KIF27: variants seen among roughly 807,000 people sequenced by gnomAD.
KIF27 encodes kinesin-like protein KIF27.
A neutral mutation model predicts 141.8 loss-of-function variants in KIF27; 84 were observed. The observed-to-expected ratio is 0.59, with a 90% CI of 0.50 to 0.71. The LOEUF is 0.71. Ranked by LOEUF, KIF27 falls within the 30% of genes least tolerant of loss-of-function variation. KIF27 has a pLI of 0.00. For missense variants in KIF27, 1,306 were observed against 1,628.4 expected (o/e 0.80, Z 3.41); for synonymous variants, 471 against 569.5 (o/e 0.83, Z 2.46).
At chr9:83,907,291 A>AAAATAAATAAAT (rs201873830) in intron 3 of KIF27, among the ~76,000 whole-genome samples, 5 of 138,456 alleles carry the variant, frequency 3.6e-5, no homozygotes, top group South Asian at 2.3e-4. Flanking sequence ...CTCCATCTCA[A>AAAATAAATAAAT]AAATAAATAA....
chr9:83,874,824 C>T (rs1951078422), intron 11 of KIF27, among the ~76,000 whole-genome samples: 3 of 149,082 alleles, frequency 2.0e-5, no homozygotes, highest in African/African-American at 5.0e-5. Context: ...GTCCTAGCTA[C>T]TTGGGAGGCT....
chr9:83,886,414 G>A (rs1392307312), intron 9 of KIF27, among the ~76,000 whole-genome samples: 1 of 152,028 alleles, frequency 6.6e-6, no homozygotes, highest in Non-Finnish European at 1.5e-5. Flanking sequence ...CTCAGAGATG[G>A]TGACTAACAA....
intron 2 of KIF27, among the ~76,000 whole-genome samples, chr9:83,910,931 G>A (rs1198935404): frequency 6.6e-6 from 1 of 151,246 alleles, no homozygotes; most frequent in Non-Finnish European, 1.5e-5. Context: ...AAAGAAGAAT[G>A]GATAAATAAA....
intron 16 of KIF27, among the ~76,000 whole-genome samples, chr9:83,844,428 A>G (rs1275476315): frequency 6.6e-6 from 1 of 151,616 alleles, no homozygotes; most frequent in Non-Finnish European, 1.5e-5. Flanking sequence ...TTTTGGTACC[A>G]GGAGTGGCTC....
rs960385640 is a variant in KIF27, at chr9:83,834,973, A to C, written c.*2028T>G. The stretch of plus-strand genomic sequence containing the variant: ...TATATACAAGTATATATAATGGTAA[A>C]AGGTCAGTGCCTTCAACAAAGCACA... On this transcript the variant is annotated 3_prime_UTR_variant, in exon 18 of 18. Coordinates refer to ENST00000297814, the MANE Select transcript of KIF27 (RefSeq NM_017576.4). Among the ~76,000 whole-genome samples, 1 of 149,262 alleles carries C rather than the reference A, an allele frequency of 6.7e-6. No homozygotes were observed. Among genetic ancestry groups the C allele is most frequent in the Non-Finnish European group, 1.5e-5 (1 of 67,370 alleles).
chr9:83,858,973 C>A, intron 14 of KIF27, 183 bp downstream of exon 14: 2 of 608,424 alleles, frequency 3.3e-6, no homozygotes, highest in Non-Finnish European at 5.9e-6. Flanking sequence ...GTAAGGATAT[C>A]TCAGTCTCTA....
intron 16 of KIF27, among the ~76,000 whole-genome samples, chr9:83,843,787 A>G (rs1351341976): frequency 6.6e-6 from 1 of 152,120 alleles, no homozygotes; most frequent in Admixed American, 6.5e-5. Context: ...TAGTGGTGCA[A>G]TCATGGCTTA....
At chr9:83,863,467 C>A (rs1341082264) in intron 13 of KIF27, among the ~76,000 whole-genome samples, 1 of 152,034 alleles carries the variant, frequency 6.6e-6, no homozygotes, top group Non-Finnish European at 1.5e-5. Context: ...TGTTTATATG[C>A]TGGATTACAT....
At chr9:83,872,603 T>G (rs1186208760) in intron 11 of KIF27, among the ~76,000 whole-genome samples, 1 of 152,236 alleles carries the variant, frequency 6.6e-6, no homozygotes, top group African/African-American at 2.4e-5. Context: ...TACTAATTCA[T>G]GTTTTATAAA....
intron 1 of KIF27, among the ~76,000 whole-genome samples, chr9:83,920,982 C>G (rs1015088937): frequency 1.3e-5 from 2 of 152,084 alleles, no homozygotes; most frequent in Non-Finnish European, 2.9e-5. Context: ...GCCCTCGCGT[C>G]GCACCTCACG....
At chr9:83,914,104 T>TAA (rs59546743) in intron 2 of KIF27, among the ~76,000 whole-genome samples, 44 of 139,332 alleles carry the variant, frequency 3.2e-4, no homozygotes, top group East Asian at 1.9e-3. Context: ...CTCTTAATAA[T>TAA]AAAAAAAAAA....
At chr9:83,863,296 G>A (rs62561950) in intron 13 of KIF27, among the ~76,000 whole-genome samples, 26,604 of 152,036 alleles carry the variant, frequency 0.17, 2,897 homozygotes, top group Non-Finnish European at 0.24. Flanking sequence ...CATTCAGTAC[G>A]ATATTGGCTG....
chr9:83,839,578 C>T (rs1946321394), intron 17 of KIF27, among the ~76,000 whole-genome samples: 1 of 152,108 alleles, frequency 6.6e-6, no homozygotes, highest in Admixed American at 6.6e-5. Flanking sequence ...ATATTTTAGT[C>T]AAAAGATGAA....
chr9:83,905,414 G>A (rs1196897565), intron 3 of KIF27, among the ~76,000 whole-genome samples: 1 of 152,066 alleles, frequency 6.6e-6, no homozygotes, highest in Non-Finnish European at 1.5e-5. Context: ...CACCGCACCC[G>A]GCCTATATCC....
intron 11 of KIF27, among the ~76,000 whole-genome samples, chr9:83,872,219 G>C (rs1459322487): frequency 3.3e-5 from 5 of 152,090 alleles, no homozygotes; most frequent in Non-Finnish European, 7.4e-5. Context: ...AGGAGGCTGA[G>C]GCACGAGAAT....
At chr9:83,862,153 T>C (rs2131912003) in intron 13 of KIF27, among the ~76,000 whole-genome samples, 1 of 152,216 alleles carries the variant, frequency 6.6e-6, no homozygotes, top group Non-Finnish European at 1.5e-5. Flanking sequence ...GTAGTTTCTT[T>C]TGCTGTGCAG....
intron 11 of KIF27, among the ~76,000 whole-genome samples, chr9:83,878,604 T>C (rs1445124703): frequency 6.6e-6 from 1 of 152,272 alleles, no homozygotes; most frequent in Middle Eastern, 3.4e-3. Flanking sequence ...CATGCTGCAA[T>C]GTAGACAAAC....
chr9:83,890,403 G>T (rs1387207826), intron 6 of KIF27, among the ~76,000 whole-genome samples: 1 of 152,092 alleles, frequency 6.6e-6, no homozygotes, highest in African/African-American at 2.4e-5. Context: ...ACTAGACATG[G>T]CTATTTTATC....
intron 17 of KIF27, among the ~76,000 whole-genome samples, chr9:83,840,543 A>T (rs7040164): frequency 0.13 from 20,251 of 151,828 alleles, 1,436 homozygotes; most frequent in African/African-American, 0.14. Flanking sequence ...TGTCTAGTAG[A>T]CTCGGTGGCA....
Sources: allele counts gnomAD v4.1 joint callset (sites outside exome capture counted in the v4.1 genomes callset), GRCh38; gene constraint gnomAD v4.1.1; transcripts MANE v1.5; gene names NCBI Gene and HGNC (gene_info 2026-07-23, HGNC 2026-07-21).